CCDC91: variants seen among roughly 807,000 people sequenced by gnomAD.
The protein encoded by CCDC91 is coiled-coil domain containing 91, also known as coiled-coil domain-containing protein 91.
CCDC91 carries 48 observed loss-of-function variants against 63.2 expected under a neutral mutation model. The ratio of observed to expected loss-of-function variants is 0.76; its 90% CI spans 0.60 to 0.97. The LOEUF (loss-of-function observed/expected upper bound fraction) is 0.97. Among genes scored for constraint, CCDC91 ranks in the 50% least tolerant of loss-of-function variants. The pLI is 0.00. For missense variants in CCDC91, 500 were observed against 494.6 expected (o/e 1.01, Z -0.10); for synonymous variants, 167 against 165.8 (o/e 1.01, Z -0.06).
chr12:28,530,218 A>G lies in CCDC91; in HGVS notation c.1216-18845A>G, dbSNP rs998547483. On this transcript the variant is annotated intron_variant, in intron 12 of 12. Coordinates refer to ENST00000536442, the MANE Select transcript of CCDC91 (RefSeq NM_018318.5). ...TGTCATAAAAAGCAATAAGGCTTCTACCTACCTCTTTTTCTCTCTGAAAAC... is the reference window on the plus strand; with the variant it reads ...TGTCATAAAAAGCAATAAGGCTTCTGCCTACCTCTTTTTCTCTCTGAAAAC... 6.5e-4 allele frequency among the ~76,000 whole-genome samples: 99 copies of G among 152,308 alleles called. 1 individual carries two copies. Among genetic ancestry groups the G allele is most frequent in the African/African-American group, 2.3e-3 (95 of 41,584 alleles).
intron 3 of CCDC91, among the ~76,000 whole-genome samples, chr12:28,267,887 T>TA (rs1947415113): frequency 2.2e-5 from 1 of 45,432 alleles, no homozygotes; most frequent in Non-Finnish European, 4.9e-5. Context: ...ATATAATTAT[T>TA]ATAATTATAT....
chr12:28,450,848 T>C (rs1429372127), intron 10 of CCDC91, among the ~76,000 whole-genome samples: 1 of 151,762 alleles, frequency 6.6e-6, no homozygotes, highest in Non-Finnish European at 1.5e-5. Context: ...TTTTGAGTTT[T>C]AGATTTAAAA....
At chr12:28,375,165 GT>G (rs1244940827) in intron 7 of CCDC91, among the ~76,000 whole-genome samples, 1 of 151,632 alleles carries the variant, frequency 6.6e-6, no homozygotes, top group Non-Finnish European at 1.5e-5. Context: ...TTCTTCTTCA[GT>G]AAGTGATGGA....
intron 12 of CCDC91, among the ~76,000 whole-genome samples, chr12:28,508,689 A>C (rs1291930364): frequency 6.6e-6 from 1 of 151,832 alleles, no homozygotes; most frequent in Non-Finnish European, 1.5e-5. Context: ...AACTCATTCT[A>C]CTGTTTCCTC....
intron 7 of CCDC91, among the ~76,000 whole-genome samples, chr12:28,374,084 C>G (rs1433114176): frequency 6.6e-6 from 1 of 152,138 alleles, no homozygotes; most frequent in African/African-American, 2.4e-5. Flanking sequence ...CTAATACACC[C>G]TACTTAACAG....
At chr12:28,500,442 G>C (rs1937676332) in intron 12 of CCDC91, among the ~76,000 whole-genome samples, 1 of 152,008 alleles carries the variant, frequency 6.6e-6, no homozygotes, top group Non-Finnish European at 1.5e-5. Context: ...GAATGGTATT[G>C]CCTAGGTTTT....
intron 7 of CCDC91, among the ~76,000 whole-genome samples, chr12:28,384,249 G>A (rs1182755813): frequency 6.6e-6 from 1 of 152,058 alleles, no homozygotes; most frequent in African/African-American, 2.4e-5. Context: ...AGATGTACTT[G>A]CAGTAAATAT....
At chr12:28,227,518 A>G (rs1222997455) in intron 1 of CCDC91, among the ~76,000 whole-genome samples, 1 of 151,988 alleles carries the variant, frequency 6.6e-6, no homozygotes, top group African/African-American at 2.4e-5. Flanking sequence ...TGAAACCTCG[A>G]ACTCAAATGT....
chr12:28,529,035 A>AT (rs1452533504), intron 12 of CCDC91, among the ~76,000 whole-genome samples: 2 of 152,088 alleles, frequency 1.3e-5, no homozygotes, highest in African/African-American at 2.4e-5. Context: ...ATATATATAT[A>AT]AAAGTATATT....
intron 11 of CCDC91, among the ~76,000 whole-genome samples, chr12:28,465,058 T>C (rs1038968702): frequency 6.6e-6 from 1 of 152,252 alleles, no homozygotes; most frequent in Non-Finnish European, 1.5e-5. Context: ...CTGACATTAC[T>C]TTCTGTAGGT....
intron 1 of CCDC91, among the ~76,000 whole-genome samples, chr12:28,234,161 A>G (rs1251039451): frequency 7.2e-5 from 11 of 152,192 alleles, no homozygotes; most frequent in Admixed American, 1.3e-4. Context: ...ATTTTTGGCT[A>G]AAATGGATAG....
chr12:28,449,006 A>G (rs1443034304), intron 8 of CCDC91, among the ~76,000 whole-genome samples: 1 of 152,118 alleles, frequency 6.6e-6, no homozygotes, highest in Non-Finnish European at 1.5e-5. Flanking sequence ...GCTGCCTTAC[A>G]TAATTTCATA....
chr12:28,470,813 A>T (rs1950778177), intron 11 of CCDC91, among the ~76,000 whole-genome samples: 1 of 152,158 alleles, frequency 6.6e-6, no homozygotes, highest in Non-Finnish European at 1.5e-5. Context: ...TCCTAATGTG[A>T]AGTGAAATAA....
intron 1 of CCDC91, among the ~76,000 whole-genome samples, chr12:28,214,894 A>T (rs1319170554): frequency 6.6e-6 from 1 of 152,156 alleles, no homozygotes; most frequent in Non-Finnish European, 1.5e-5. Flanking sequence ...TGGACTTGTG[A>T]TGCTTAATTT....
At chr12:28,484,910 A>G (rs1189874604) in intron 12 of CCDC91, among the ~76,000 whole-genome samples, 8 of 150,610 alleles carry the variant, frequency 5.3e-5, no homozygotes, top group Non-Finnish European at 1.0e-4. Flanking sequence ...TATGTTTAGT[A>G]TATGTTACAT....
chr12:28,256,701 C>G (rs148521614), intron 1 of CCDC91: 12 of 153,318 alleles, frequency 7.8e-5, no homozygotes, highest in Non-Finnish European at 1.6e-4. Context: ...ATACACATAT[C>G]AAAATGATCC....
intron 12 of CCDC91, among the ~76,000 whole-genome samples, chr12:28,507,037 T>C (rs1392329875): frequency 6.6e-6 from 1 of 151,974 alleles, no homozygotes; most frequent in African/African-American, 2.4e-5. Flanking sequence ...TGCAAATTCA[T>C]GATTTAATTT....
intron 8 of CCDC91, among the ~76,000 whole-genome samples, chr12:28,441,680 C>G (rs1949223525): frequency 7.0e-6 from 1 of 141,898 alleles, no homozygotes. Context: ...TCATATATAT[C>G]TCATGTGTAT....
chr12:28,472,017 C>G (rs753360240), intron 11 of CCDC91, among the ~76,000 whole-genome samples: 1 of 152,208 alleles, frequency 6.6e-6, no homozygotes, highest in Non-Finnish European at 1.5e-5. Context: ...TCCCAAAGTT[C>G]TGGGATTACA....
Sources: gnomAD v4.1 joint callset for allele counts (sites outside exome capture counted in the v4.1 genomes callset) on GRCh38, gnomAD v4.1.1 for gene constraint, MANE v1.5 for transcripts, NCBI Gene and HGNC (gene_info 2026-07-23, HGNC 2026-07-21) for gene names.